The following PDE9A variants were observed in gnomAD, a reference collection of about 807,000 sequenced individuals.
PDE9A encodes phosphodiesterase 9A, also known as high affinity cGMP-specific 3',5'-cyclic phosphodiesterase 9A.
In PDE9A, 60 loss-of-function variants were observed where a neutral mutation model predicts 87.4. The observed-to-expected ratio is 0.69, with a 90% CI of 0.56 to 0.85. The LOEUF is 0.85. PDE9A is among the 40% of genes least tolerant of loss of function. The pLI is 0.00. For synonymous variants in PDE9A, 272 were observed against 279.4 expected (o/e 0.97, Z 0.27); for missense variants, 665 against 779.0 (o/e 0.85, Z 1.74).
At chr21:42,661,034 A>T (rs1363939907) in intron 1 of PDE9A, among the ~76,000 whole-genome samples, 9 of 144,566 alleles carry the variant, frequency 6.2e-5, no homozygotes, top group African/African-American at 2.3e-4. Context: ...TTCTCTGCCA[A>T]TTTTTTTTTT....
At position 42,696,363 on chromosome 21, in the gene PDE9A, C is replaced by T. The variant is rs906190685; in HGVS notation, c.219-2605C>T. On this transcript the variant is annotated intron_variant, in intron 3 of 19. Coordinates refer to ENST00000291539, the MANE Select transcript of PDE9A (RefSeq NM_002606.3). This position sits in a 1 kb window ranked among gnomAD's most constrained non-coding sequence, Gnocchi z 5.1. ...CCCTTCTCTGCGCCTGGTCACTACC[C>T]GCCCCCCACCTCCAGCATTAATTTT... Among the ~76,000 whole-genome samples the T allele has an allele frequency of 2.6e-5, 4 of 152,148 alleles. No homozygotes were observed. The highest frequency in any genetic ancestry group is 2.0e-4 in the Admixed American group (3 of 15,276).
At position 42,760,477 on chromosome 21, in the gene PDE9A, C is replaced by A; in HGVS notation, c.1002+45C>A. 1.7e-6 allele frequency: 2 copies of A among 1,195,680 alleles called. No homozygotes were observed. The highest frequency in any genetic ancestry group is 2.4e-6 in the Non-Finnish European group (2 of 820,860). 74.1% of individuals were successfully genotyped at this position (1,195,680 alleles called of 1,614,324 possible). Reference sequence around the variant, plus strand: ...CACCCAGACCTCTACTCTCGGGGGTCAGACGGAGGCCCCCTTCCAGGGAGC... The same window carrying A: ...CACCCAGACCTCTACTCTCGGGGGTAAGACGGAGGCCCCCTTCCAGGGAGC... On this transcript the variant is annotated intron_variant, in intron 12 of 19. Transcript: ENST00000291539. The surrounding 1 kb of genome is among the most constrained non-coding windows in gnomAD (Gnocchi z 5.2).
At chr21:42,698,290 G>A (rs189116386) in intron 3 of PDE9A, among the ~76,000 whole-genome samples, 1 of 152,216 alleles carries the variant, frequency 6.6e-6, no homozygotes, top group Non-Finnish European at 1.5e-5. Flanking sequence ...TCAAGGAATA[G>A]CATCTGCCTG....
intron 4 of PDE9A, among the ~76,000 whole-genome samples, chr21:42,714,722 G>A (rs2049701815): frequency 6.8e-6 from 1 of 146,058 alleles, no homozygotes; most frequent in South Asian, 2.4e-4. Flanking sequence ...ATATGGTTGG[G>A]GTTAGCTCTA....
At chr21:42,748,462 C>T (rs1017355124) in intron 8 of PDE9A, among the ~76,000 whole-genome samples, 4 of 152,160 alleles carry the variant, frequency 2.6e-5, no homozygotes, top group African/African-American at 9.7e-5. Flanking sequence ...GTGGTTATCA[C>T]GGGGAAGAGA....
At position 42,759,604 on chromosome 21, in the gene PDE9A, T is replaced by C. The variant is rs1162288884; in HGVS notation, c.897+519T>C. Among the ~76,000 whole-genome samples the C allele has an allele frequency of 6.7e-6, 1 of 149,948 alleles. No individual in the cohort carries two copies. Among genetic ancestry groups the C allele is most frequent in the African/African-American group, 2.5e-5 (1 of 40,472 alleles). On this transcript the variant is annotated intron_variant, in intron 11 of 19. Transcript: ENST00000291539. This position sits in a 1 kb window ranked among gnomAD's most constrained non-coding sequence, Gnocchi z 7.2. ...GTTTACGGGTGGGTGTGTGTGAATGTGTGGTGGGAGTGTGTGGGGTGGGAG... is the reference window on the plus strand; with the variant it reads ...GTTTACGGGTGGGTGTGTGTGAATGCGTGGTGGGAGTGTGTGGGGTGGGAG...
chr21:42,664,337 C>A (rs555572520), intron 1 of PDE9A, among the ~76,000 whole-genome samples: 90 of 152,352 alleles, frequency 5.9e-4, no homozygotes, highest in African/African-American at 2.1e-3. Context: ...GGACGTGCCA[C>A]CTGCAGGTGA....
chr21:42,739,229 A>G lies in PDE9A; in HGVS notation c.569-4547A>G, dbSNP rs1460640742. Among the ~76,000 whole-genome samples the G allele has an allele frequency of 6.6e-6, 1 of 152,196 alleles. No homozygotes were observed. The highest frequency in any genetic ancestry group is 2.4e-5 in the African/African-American group (1 of 41,454). On this transcript the variant is annotated intron_variant, in intron 7 of 19. Coordinates refer to ENST00000291539, the MANE Select transcript of PDE9A (RefSeq NM_002606.3). The surrounding 1 kb of genome is among the most constrained non-coding windows in gnomAD (Gnocchi z 4.1). ...GAGCGGGCCATGATGGGCAGAGCCG[A>G]CGTCCAGGCTCCACGGTAGGGCCGT...
chr21:42,751,063 T>C, intron 8 of PDE9A, 53 bp from the exon 9 acceptor site: 2 of 1,189,536 alleles, frequency 1.7e-6, no homozygotes, highest in Non-Finnish European at 2.5e-6. Flanking sequence ...TGCTGAGGGC[T>C]TCACCAGACT....
intron 4 of PDE9A, among the ~76,000 whole-genome samples, chr21:42,701,464 T>G (rs1473632452): frequency 1.3e-5 from 2 of 151,474 alleles, no homozygotes; most frequent in Non-Finnish European, 2.9e-5. Flanking sequence ...AGAGATAAAG[T>G]CTTTGTCTGT....
At chr21:42,688,530 T>G (rs1192600361) in intron 3 of PDE9A, among the ~76,000 whole-genome samples, 1 of 152,138 alleles carries the variant, frequency 6.6e-6, no homozygotes, top group East Asian at 1.9e-4. Flanking sequence ...CAGCGGTGTA[T>G]GGCCCAGGAA....
At chr21:42,734,373 A>AT in intron 7 of PDE9A, 1 of 152,374 alleles carries the variant, frequency 6.6e-6, no homozygotes, top group South Asian at 2.1e-4. Flanking sequence ...TCAATGCTTG[A>AT]ATTCCATAGG....
intron 1 of PDE9A, among the ~76,000 whole-genome samples, chr21:42,664,520 C>A (rs539726689): frequency 7.3e-4 from 111 of 152,384 alleles, no homozygotes; most frequent in South Asian, 1.9e-3. Context: ...GTGACCCTGG[C>A]CACCAAAGCA....
chr21:42,702,796 A>G lies in PDE9A; in HGVS notation c.262+3785A>G, dbSNP rs764841724. 5.3e-5 allele frequency among the ~76,000 whole-genome samples: 8 copies of G among 152,180 alleles called. No homozygotes were observed. Among genetic ancestry groups the G allele is most frequent in the Admixed American group, 5.2e-4 (8 of 15,286 alleles). On this transcript the variant is annotated intron_variant, in intron 4 of 19. Transcript: ENST00000291539. This position sits in a 1 kb window ranked among gnomAD's most constrained non-coding sequence, Gnocchi z 4.9. ...TTCCACTCTGGCTGTTTAGAGTGCAAATGTTTGGAGATGAGAATGAAAGCG... is the reference window on the plus strand; with the variant it reads ...TTCCACTCTGGCTGTTTAGAGTGCAGATGTTTGGAGATGAGAATGAAAGCG...
chr21:42,704,325 T>C lies in PDE9A; in HGVS notation c.262+5314T>C, dbSNP rs981078527. Among the ~76,000 whole-genome samples, 1 of 151,984 alleles carries C rather than the reference T, an allele frequency of 6.6e-6. No individual in the cohort carries two copies. Among genetic ancestry groups the C allele is most frequent in the African/African-American group, 2.4e-5 (1 of 41,362 alleles). On this transcript the variant is annotated intron_variant, in intron 4 of 19. Coordinates refer to ENST00000291539, the MANE Select transcript of PDE9A (RefSeq NM_002606.3). The surrounding 1 kb of genome is among the most constrained non-coding windows in gnomAD (Gnocchi z 5.3). ...CATCCTGGCTGGGCTAACACCACCT[T>C]TCCCCGCCTCTGGGTGCGTGGGGAC...
At chr21:42,688,452 G>A (rs2059598797) in intron 3 of PDE9A, among the ~76,000 whole-genome samples, 1 of 152,176 alleles carries the variant, frequency 6.6e-6, no homozygotes, top group South Asian at 2.1e-4. Flanking sequence ...CAGGGACAAG[G>A]GAGGCCCAGG....
chr21:42,709,591 T>C (rs930997826), intron 4 of PDE9A, among the ~76,000 whole-genome samples: 6 of 152,232 alleles, frequency 3.9e-5, no homozygotes, highest in Non-Finnish European at 8.8e-5. Context: ...GCTCTGCCTA[T>C]TTTTGAGTTT....
chr21:42,745,570 G>A (rs1451164136), intron 8 of PDE9A, among the ~76,000 whole-genome samples: 2 of 152,240 alleles, frequency 1.3e-5, no homozygotes, highest in Non-Finnish European at 1.5e-5. Context: ...GCAAGGCTGG[G>A]ACCCGGCTTG....
rs1157945609 is a variant in PDE9A, at chr21:42,696,893, G to A, written c.219-2075G>A. On this transcript the variant is annotated intron_variant, in intron 3 of 19. Transcript: ENST00000291539. This position sits in a 1 kb window ranked among gnomAD's most constrained non-coding sequence, Gnocchi z 5.1. ...ACGACCGAGTGCCCTCTCCACCTGG[G>A]GAGCTTGGAGGACTTTGCTCTGCAC... 6.6e-6 allele frequency among the ~76,000 whole-genome samples: 1 copy of A among 152,176 alleles called. No homozygotes were observed. The highest frequency in any genetic ancestry group is 1.5e-5 in the Non-Finnish European group (1 of 68,026).
Sources: allele counts gnomAD v4.1 joint callset (sites outside exome capture counted in the v4.1 genomes callset), GRCh38; gene constraint gnomAD v4.1.1; non-coding constraint Gnocchi (gnomAD v3.1); transcripts MANE v1.5; gene names NCBI Gene and HGNC (gene_info 2026-07-23, HGNC 2026-07-21).